The following PDE11A variants were observed in gnomAD, a reference collection of about 807,000 sequenced individuals.
PDE11A encodes phosphodiesterase 11A.
Under a neutral mutation model 100.5 loss-of-function variants are expected in PDE11A, and 100 were observed. The observed-to-expected ratio is 1.00, with a 90% CI of 0.85 to 1.18. PDE11A has a LOEUF of 1.18. PDE11A is among the 50% of genes most tolerant of loss of function. The pLI is 0.00. For missense variants in PDE11A, 1,141 were observed against 1,152.6 expected (o/e 0.99, Z 0.15); for synonymous variants, 381 against 420.8 (o/e 0.91, Z 1.16).
chr2:177,644,635 G>A (rs796765450), intron 19 of PDE11A, among the ~76,000 whole-genome samples: 22 of 152,296 alleles, frequency 1.4e-4, no homozygotes, highest in African/African-American at 4.1e-4. Context: ...TTGGGGGACC[G>A]TTGGGAAAAC....
chr2:177,720,984 G>A (rs1368672223), intron 12 of PDE11A, among the ~76,000 whole-genome samples: 1 of 152,062 alleles, frequency 6.6e-6, no homozygotes, highest in African/African-American at 2.4e-5. Flanking sequence ...TCTCAGAAAG[G>A]CAACACAGTC....
chr2:177,954,211 G>C (rs1183939359), intron 2 of PDE11A, among the ~76,000 whole-genome samples: 2 of 151,976 alleles, frequency 1.3e-5, no homozygotes, highest in Non-Finnish European at 2.9e-5. Context: ...CTTGTAAAAT[G>C]TCAGAGGCTG....
intron 2 of PDE11A, among the ~76,000 whole-genome samples, chr2:177,990,592 G>A (rs890488497): frequency 2.0e-5 from 3 of 152,174 alleles, no homozygotes; most frequent in Admixed American, 6.5e-5. Context: ...ACAAAAATTA[G>A]CTGGGTATGG....
rs773575444 is a variant in PDE11A, at chr2:177,629,496, A to G, written c.2713T>C (p.Trp905Arg). The G allele has an allele frequency of 1.9e-6, 3 of 1,613,764 alleles. No individual in the cohort carries two copies. Among genetic ancestry groups the G allele is most frequent in the Non-Finnish European group, 2.5e-6 (3 of 1,179,746 alleles). The change falls in exon 20 of 20, where the codon TGG becomes CGG. Residue 905 changes from tryptophan to arginine, a missense_variant. Physicochemically the swap from Trp to Arg is moderately radical, Grantham distance 101. Coordinates refer to ENST00000286063, the MANE Select transcript of PDE11A (RefSeq NM_016953.4). ...LDSVATNRSK[W>R]EELHQKRLLA... ...AGTCGTTTTTGGTGTAGCTCTTCCC[A>G]CTTACTTCTGTTTGTAGCTACTGAA...
At chr2:178,003,562 T>C (rs2086169755) in intron 2 of PDE11A, among the ~76,000 whole-genome samples, 1 of 151,792 alleles carries the variant, frequency 6.6e-6, no homozygotes, top group South Asian at 2.1e-4. Context: ...AGACTGGTAT[T>C]AGGAGTAGGA....
At chr2:177,756,521 G>GT (rs2082092605) in intron 10 of PDE11A, among the ~76,000 whole-genome samples, 3 of 152,190 alleles carry the variant, frequency 2.0e-5, no homozygotes, top group Admixed American at 1.3e-4. Flanking sequence ...GGTTTACGGA[G>GT]TTGTTTGACA....
rs77602380 is a variant in PDE11A, at chr2:177,697,836, C to T, written c.2245-404G>A. Among the ~76,000 whole-genome samples the T allele has an allele frequency of 7.4e-3, 1,127 of 152,312 alleles. 5 individuals carry two copies. The highest frequency in any genetic ancestry group is 0.017 in the South Asian group (83 of 4,826). On this transcript the variant is annotated intron_variant, in intron 14 of 19. Transcript: ENST00000286063. ...TTTTCACTACCAGTGAAGGTTTAAG[C>T]TGGCATTTTGGAAACACTTGCTATG...
chr2:177,929,940 T>TA (rs1467632803), intron 2 of PDE11A, among the ~76,000 whole-genome samples: 2 of 152,184 alleles, frequency 1.3e-5, no homozygotes, highest in Non-Finnish European at 2.9e-5. Flanking sequence ...ATAAATATGA[T>TA]TATAATAAAC....
At chr2:177,867,148 A>G (rs146757286) in intron 5 of PDE11A, among the ~76,000 whole-genome samples, 1 of 152,338 alleles carries the variant, frequency 6.6e-6, no homozygotes, top group East Asian at 1.9e-4. Context: ...CACGGATTGC[A>G]TTAGAAAAGA....
Position 177,977,835 on chromosome 2 carries a change from T to TA in PDE11A, c.1071+36466dup, listed in dbSNP as rs2085829940. Among the ~76,000 whole-genome samples the TA allele has an allele frequency of 3.1e-5, 4 of 129,460 alleles. No individual in the cohort carries two copies. In the Admixed American group the frequency reaches 3.2e-4, roughly 10 times the overall value. 84.9% of individuals were successfully genotyped at this position (129,460 alleles called of 152,430 possible). On this transcript the variant is annotated intron_variant, in intron 2 of 19. Transcript: ENST00000286063. ...AACAAGCAATGGGGAAAGGATTCCC[T>TA]ATTTAATAAATGGTGCTGGGAAAAC...
intron 5 of PDE11A, among the ~76,000 whole-genome samples, chr2:177,863,580 G>C (rs568167309): frequency 6.6e-6 from 1 of 151,998 alleles, no homozygotes; most frequent in African/African-American, 2.4e-5. Flanking sequence ...TACATCAAAA[G>C]GTGCTCAACA....
At chr2:177,823,705 A>T (rs1405416934) in intron 6 of PDE11A, among the ~76,000 whole-genome samples, 1 of 152,206 alleles carries the variant, frequency 6.6e-6, no homozygotes, top group East Asian at 1.9e-4. Flanking sequence ...AGGCAATACC[A>T]GTAAGCATGA....
At chr2:177,797,555 A>G (rs940287664) in intron 9 of PDE11A, among the ~76,000 whole-genome samples, 8 of 152,338 alleles carry the variant, frequency 5.3e-5, no homozygotes, top group Admixed American at 3.3e-4. Flanking sequence ...AAGAAATAAG[A>G]AGAATGTAAG....
chr2:177,890,643 G>T (rs1376509821), intron 4 of PDE11A, among the ~76,000 whole-genome samples: 1 of 152,100 alleles, frequency 6.6e-6, no homozygotes, highest in African/African-American at 2.4e-5. Context: ...GTCTTTAATT[G>T]CTAAAAGATA....
intron 1 of PDE11A, among the ~76,000 whole-genome samples, chr2:178,040,353 G>T (rs1233528398): frequency 1.3e-5 from 2 of 152,136 alleles, no homozygotes; most frequent in Non-Finnish European, 2.9e-5. Context: ...ATCGCACCCA[G>T]CTAGTGTTTT....
intron 2 of PDE11A, among the ~76,000 whole-genome samples, chr2:177,964,912 A>G (rs2695751): frequency 0.56 from 85,621 of 152,146 alleles, 26,785 homozygotes; most frequent in African/African-American, 0.84. Flanking sequence ...GGGTCAAATG[A>G]TAGTTCTGTT....
intron 2 of PDE11A, among the ~76,000 whole-genome samples, chr2:177,912,518 C>T (rs1248277178): frequency 6.6e-6 from 1 of 152,168 alleles, no homozygotes; most frequent in Non-Finnish European, 1.5e-5. Flanking sequence ...AACCTTATTT[C>T]TATTTGGTCC....
At chr2:177,807,995 G>A (rs1408794853) in intron 9 of PDE11A, among the ~76,000 whole-genome samples, 6 of 152,112 alleles carry the variant, frequency 3.9e-5, no homozygotes, top group East Asian at 1.9e-4. Context: ...AATGAAAGAC[G>A]TGAAATTTGA....
chr2:177,857,894 T>C (rs1243457837), intron 5 of PDE11A, among the ~76,000 whole-genome samples: 2 of 152,026 alleles, frequency 1.3e-5, no homozygotes, highest in African/African-American at 2.4e-5. Flanking sequence ...GAAGTAGCTA[T>C]TCATATCAGA....
Sources: allele counts gnomAD v4.1 joint callset (sites outside exome capture counted in the v4.1 genomes callset), GRCh38; gene constraint gnomAD v4.1.1; transcripts MANE v1.5; gene names NCBI Gene and HGNC (gene_info 2026-07-23, HGNC 2026-07-21).